The following IQCM variants were observed in gnomAD, a reference collection of about 807,000 sequenced individuals.
IQCM encodes IQ domain-containing protein M.
IQCM carries 45 observed loss-of-function variants against 57.6 expected under a neutral mutation model. The ratio of observed to expected loss-of-function variants is 0.78; its 90% CI spans 0.62 to 1.00. The LOEUF (loss-of-function observed/expected upper bound fraction) is 1.00. Among genes scored for constraint, IQCM ranks in the 50% least tolerant of loss-of-function variants. The pLI, the probability that IQCM is intolerant of heterozygous loss-of-function variation, is 0.00. For missense variants in IQCM, 468 were observed against 511.6 expected, an observed-to-expected ratio of 0.91 and a Z score of 0.82; for synonymous variants, 148 against 158.9, an observed-to-expected ratio of 0.93 and a Z score of 0.51.
chr4:149,775,040 C>CA (rs35383107), intron 2 of IQCM, among the ~76,000 whole-genome samples: 14,250 of 86,144 alleles, frequency 0.17, 831 homozygotes, highest in Middle Eastern at 0.23. Context: ...TTCTTTTTGC[C>CA]AAAAAAAAAA....
At chr4:149,808,654 T>G (rs913422516) in intron 2 of IQCM, among the ~76,000 whole-genome samples, 7 of 152,128 alleles carry the variant, frequency 4.6e-5, no homozygotes, top group Admixed American at 1.3e-4. Flanking sequence ...AAATACCACA[T>G]GTATCCCCAA....
At chr4:149,657,794 G>A (rs1410084339) in intron 7 of IQCM, among the ~76,000 whole-genome samples, 1 of 151,798 alleles carries the variant, frequency 6.6e-6, no homozygotes, top group Admixed American at 6.6e-5. Context: ...TTGCTCATTT[G>A]TATGTCTTCT....
chr4:149,523,024 G>A (rs1005004254), intron 12 of IQCM, among the ~76,000 whole-genome samples: 1 of 152,066 alleles, frequency 6.6e-6, no homozygotes, highest in African/African-American at 2.4e-5. Context: ...CATGATTCTG[G>A]AGAGGCTGGG....
chr4:149,470,143 T>C (rs1283718894), intron 12 of IQCM, among the ~76,000 whole-genome samples: 3 of 152,144 alleles, frequency 2.0e-5, no homozygotes, highest in Non-Finnish European at 4.4e-5. Context: ...TAAATGTAAA[T>C]GGGCTAAATG....
intron 5 of IQCM, among the ~76,000 whole-genome samples, chr4:149,709,653 T>C (rs1158096456): frequency 1.3e-5 from 2 of 152,132 alleles, no homozygotes; most frequent in East Asian, 3.9e-4. Context: ...TGGTGTTTGA[T>C]CTTTAGTCCC....
chr4:149,402,951 T>TTAA (rs1425292570), intron 13 of IQCM, among the ~76,000 whole-genome samples: 2 of 151,900 alleles, frequency 1.3e-5, no homozygotes, highest in Non-Finnish European at 2.9e-5. Flanking sequence ...CTATCACATG[T>TTAA]TATTTCCAAT....
chr4:149,630,832 A>G (rs767226918), intron 7 of IQCM, among the ~76,000 whole-genome samples: 6 of 152,222 alleles, frequency 3.9e-5, no homozygotes, highest in Non-Finnish European at 7.3e-5. Context: ...TTATAGCATT[A>G]TTTATAATAA....
At chr4:149,635,919 G>A (rs1230062752) in intron 7 of IQCM, among the ~76,000 whole-genome samples, 1 of 152,096 alleles carries the variant, frequency 6.6e-6, no homozygotes, top group African/African-American at 2.4e-5. Context: ...AGATGTGAGA[G>A]ATTGAACTCA....
intron 13 of IQCM, among the ~76,000 whole-genome samples, chr4:149,400,745 A>C (rs1473006411): frequency 6.6e-6 from 1 of 151,994 alleles, no homozygotes; most frequent in Non-Finnish European, 1.5e-5. Flanking sequence ...AAAGTCAATA[A>C]ATATTAAAAA....
At chr4:149,755,092 G>A (rs1768835454) in intron 2 of IQCM, among the ~76,000 whole-genome samples, 1 of 152,148 alleles carries the variant, frequency 6.6e-6, no homozygotes, top group Non-Finnish European at 1.5e-5. Flanking sequence ...ATATTCAGAA[G>A]CTGATAGCTT....
chr4:149,525,241 G>A (rs915548263), intron 12 of IQCM, among the ~76,000 whole-genome samples: 14 of 151,732 alleles, frequency 9.2e-5, no homozygotes, highest in Admixed American at 2.6e-4. Flanking sequence ...AACATTCTAC[G>A]TAAAATATTA....
chr4:149,381,746 T>C (rs750334719), intron 13 of IQCM, among the ~76,000 whole-genome samples: 21 of 151,812 alleles, frequency 1.4e-4, no homozygotes, highest in Non-Finnish European at 3.1e-4. Context: ...TGTATGTATG[T>C]ATGTATGTAT....
At chr4:149,604,870 G>C (rs1006825280) in intron 8 of IQCM, among the ~76,000 whole-genome samples, 1 of 152,106 alleles carries the variant, frequency 6.6e-6, no homozygotes, top group Non-Finnish European at 1.5e-5. Context: ...AGGAGGTGAT[G>C]GGGGGTGGGA....
Position 149,559,798 on chromosome 4 carries a change from G to T in IQCM, c.948+3894C>A, listed in dbSNP as rs557721371. Among the ~76,000 whole-genome samples the T allele has an allele frequency of 3.9e-4, 60 of 152,266 alleles. 2 individuals are homozygous for T. Among genetic ancestry groups the T allele is most frequent in the African/African-American group, 1.4e-3 (57 of 41,546 alleles). ...ATACAACAGGAGTCCCCAACCAACT[G>T]GTCTGTGGCCTGTTGGGAACCAGGC... On this transcript the variant is annotated intron_variant, in intron 10 of 13. Coordinates refer to ENST00000636793, the MANE Select transcript of IQCM (RefSeq NM_001363507.2).
At chr4:149,565,238 C>T (rs1042614528) in intron 9 of IQCM, among the ~76,000 whole-genome samples, 4 of 152,106 alleles carry the variant, frequency 2.6e-5, no homozygotes, top group Non-Finnish European at 4.4e-5. Flanking sequence ...GAATCTCTGA[C>T]TCACATTCAC....
At chr4:149,468,732 G>T (rs1158543456) in intron 12 of IQCM, among the ~76,000 whole-genome samples, 1 of 152,192 alleles carries the variant, frequency 6.6e-6, no homozygotes, top group Non-Finnish European at 1.5e-5. Context: ...CCCAGTAGGG[G>T]CCAACTGACA....
intron 12 of IQCM, among the ~76,000 whole-genome samples, chr4:149,463,668 A>G (rs1246979537): frequency 1.3e-5 from 2 of 152,196 alleles, no homozygotes; most frequent in African/African-American, 4.8e-5. Flanking sequence ...TACTATCTCA[A>G]TACTAAGCAT....
chr4:149,461,233 C>CAAAAAAAAAAAAAAAAAAAAAAAAAA (rs61429806), intron 12 of IQCM, among the ~76,000 whole-genome samples: 1 of 71,944 alleles, frequency 1.4e-5, no homozygotes. Flanking sequence ...AACTCCATCT[C>CAAAAAAAAAAAAAAAAAAAAAAAAAA]AAAAAAAAAA....
At chr4:149,491,927 A>T (rs1376884542) in intron 12 of IQCM, among the ~76,000 whole-genome samples, 1 of 149,976 alleles carries the variant, frequency 6.7e-6, no homozygotes, top group African/African-American at 2.5e-5. Flanking sequence ...GTTATCTTTC[A>T]TTTTTTTTCA....
Sources: gnomAD v4.1 joint callset for allele counts (sites outside exome capture counted in the v4.1 genomes callset) on GRCh38, gnomAD v4.1.1 for gene constraint, MANE v1.5 for transcripts, NCBI Gene and HGNC (gene_info 2026-07-23, HGNC 2026-07-21) for gene names.